Variants in CDKN2B-AS1 observed in about 807,000 individuals in gnomAD.
CDKN2B-AS1 encodes the protein CDKN2B antisense RNA 1 (non-protein coding).
At chr9:22,012,621 GAAA>G in intron 1 of CDKN2B-AS1, 1 of 325,658 alleles carries the variant, frequency 3.1e-6, no homozygotes. Context: ...TCATTGACTG[GAAA>G]AAAAAAAAGT....
In CDKN2B-AS1 at chr9:22,001,668, T is replaced by G. The variant is rs3217998; in HGVS notation, n.29+6507T>G. On this transcript the variant is annotated intron_variant and non_coding_transcript_variant, in intron 1 of 4. Coordinates refer to ENST00000650946, the Ensembl canonical transcript of CDKN2B-AS1. The surrounding 1 kb of genome is among the most constrained non-coding windows in gnomAD (Gnocchi z 4.2). ...TGAAAGTTACTGTGTTTCTGTAAAA[T>G]GAAGTATTCTTTTTCCTTACGCAAG... 2.0e-3 allele frequency among the ~76,000 whole-genome samples: 308 copies of G among 152,262 alleles called. 1 individual carries two copies. Among genetic ancestry groups the G allele is most frequent in the African/African-American group, 7.1e-3 (294 of 41,570 alleles).
intron 4 of CDKN2B-AS1, among the ~76,000 whole-genome samples, chr9:22,109,672 G>C (rs997776650): frequency 6.6e-6 from 1 of 152,166 alleles, no homozygotes; most frequent in Non-Finnish European, 1.5e-5. Flanking sequence ...AATTACATAT[G>C]AGATGTCATC....
At chr9:22,086,011 TG>T (rs1157124630) in intron 4 of CDKN2B-AS1, among the ~76,000 whole-genome samples, 1 of 152,012 alleles carries the variant, frequency 6.6e-6, no homozygotes, top group Non-Finnish European at 1.5e-5. Flanking sequence ...AGATGAACCT[TG>T]GGGGTCAGAA....
chr9:22,103,899 G>A (rs767682180), intron 4 of CDKN2B-AS1, among the ~76,000 whole-genome samples: 1 of 152,154 alleles, frequency 6.6e-6, no homozygotes, highest in Non-Finnish European at 1.5e-5. Context: ...TTCCAGTGAC[G>A]GTTATTGCAA....
At chr9:22,116,008 GA>G (rs780543371) in intron 4 of CDKN2B-AS1, among the ~76,000 whole-genome samples, 1 of 152,238 alleles carries the variant, frequency 6.6e-6, no homozygotes, top group East Asian at 1.9e-4. Flanking sequence ...ATGTCTTGTT[GA>G]AAAAGTATGA....
intron 4 of CDKN2B-AS1, among the ~76,000 whole-genome samples, chr9:22,110,604 ATGT>A (rs1825781078): frequency 6.6e-6 from 1 of 152,134 alleles, no homozygotes; most frequent in Non-Finnish European, 1.5e-5. Flanking sequence ...TTTTCTCAAA[ATGT>A]TGTAGTTACT....
intron 4 of CDKN2B-AS1, among the ~76,000 whole-genome samples, chr9:22,111,358 G>T (rs1215422104): frequency 6.6e-6 from 1 of 152,062 alleles, no homozygotes; most frequent in Non-Finnish European, 1.5e-5. Flanking sequence ...TAAAAAGGAA[G>T]GTCTGGAGAA....
chr9:22,018,433 G>A (rs1028227555), intron 1 of CDKN2B-AS1, among the ~76,000 whole-genome samples: 6 of 152,112 alleles, frequency 3.9e-5, no homozygotes, highest in African/African-American at 1.2e-4. Flanking sequence ...CGAGGCGGGT[G>A]GATCACCTGA....
chr9:22,115,379 C>G (rs1825921078), intron 4 of CDKN2B-AS1, among the ~76,000 whole-genome samples: 1 of 152,130 alleles, frequency 6.6e-6, no homozygotes, highest in African/African-American at 2.4e-5. Flanking sequence ...TAGGATGGTT[C>G]TGAGAAAACT....
chr9:22,005,886 T>C lies in CDKN2B-AS1; in HGVS notation n.29+10725T>C. 2 of 1,487,408 alleles carry C rather than the reference T, an allele frequency of 1.3e-6. No homozygotes were observed. Among genetic ancestry groups the C allele is most frequent in the Non-Finnish European group, 1.8e-6 (2 of 1,100,722 alleles). The allele number at this position is 1,487,408 out of a possible 1,614,324, so 92.1% of individuals were successfully genotyped here. A position where few individuals can be genotyped will look rare whatever the true frequency, so the allele number is the denominator to read the frequency against. On this transcript the variant is annotated intron_variant and non_coding_transcript_variant, in intron 1 of 4. Transcript: ENST00000650946. The surrounding 1 kb of genome is among the most constrained non-coding windows in gnomAD (Gnocchi z 4.9). ...AGACAGGCTTGCAGGCTTACAGGCT[T>C]TCCGCCGCTCCCCGTTGGCAGCCTT... is the stretch of plus-strand genomic sequence containing the variant.
intron 1 of CDKN2B-AS1, among the ~76,000 whole-genome samples, chr9:22,020,792 A>G (rs948605422): frequency 6.6e-6 from 1 of 152,176 alleles, no homozygotes; most frequent in Non-Finnish European, 1.5e-5. Context: ...TGTCAGATGC[A>G]TAGTTTAAAG....
chr9:22,059,940 G>T (rs1414411925), intron 4 of CDKN2B-AS1, among the ~76,000 whole-genome samples: 1 of 152,302 alleles, frequency 6.6e-6, no homozygotes, highest in East Asian at 1.9e-4. Context: ...GGAGCAGCTG[G>T]GACACAGGGC....
rs1447816525 is a variant in CDKN2B-AS1, at chr9:21,999,727, C to T, written n.29+4566C>T. ...AATGATTGACATGCTTGTGAGGAGA[C>T]TTTTTTTGTTGTTGTTGTTGTTAGG... On this transcript the variant is annotated intron_variant and non_coding_transcript_variant, in intron 1 of 4. Transcript: ENST00000650946. This position sits in a 1 kb window ranked among gnomAD's most constrained non-coding sequence, Gnocchi z 4.7. 1.3e-5 allele frequency among the ~76,000 whole-genome samples: 2 copies of T among 151,926 alleles called. No homozygotes were observed. The highest frequency in any genetic ancestry group is 1.9e-4 in the East Asian group (1 of 5,200).
chr9:22,023,724 G>A (rs1822107650), intron 1 of CDKN2B-AS1, among the ~76,000 whole-genome samples: 1 of 152,128 alleles, frequency 6.6e-6, no homozygotes, highest in Non-Finnish European at 1.5e-5. Context: ...GCCTGGGTGA[G>A]TTGAGAGTCC....
At chr9:22,025,546 G>C (rs1007607322) in intron 1 of CDKN2B-AS1, among the ~76,000 whole-genome samples, 4 of 152,116 alleles carry the variant, frequency 2.6e-5, no homozygotes, top group Admixed American at 2.6e-4. Flanking sequence ...GTGGGAATGG[G>C]CACCCACATA....
rs530805358 is a variant in CDKN2B-AS1 at position 22,033,902 on chromosome 9, T to G, written n.30-12849T>G. On this transcript the variant is annotated intron_variant and non_coding_transcript_variant, in intron 1 of 4. Coordinates refer to ENST00000650946, the Ensembl canonical transcript of CDKN2B-AS1. ...ATACTCAATGAAAAACCAACTACAT[T>G]TATATTGCATTGAGGCTTAAAGTGG... Among the ~76,000 whole-genome samples the G allele has an allele frequency of 7.2e-4, 110 of 152,292 alleles. 1 individual carries two copies. Among genetic ancestry groups the G allele is most frequent in the Admixed American group, 6.8e-3 (104 of 15,292 alleles).
chr9:21,998,417 G>C (rs1387464262), intron 1 of CDKN2B-AS1, among the ~76,000 whole-genome samples: 1 of 152,178 alleles, frequency 6.6e-6, no homozygotes, highest in Non-Finnish European at 1.5e-5. Context: ...GGCCTAGAAA[G>C]GCTCAAATCT....
At chr9:22,071,137 A>G (rs1824269434) in intron 4 of CDKN2B-AS1, among the ~76,000 whole-genome samples, 1 of 150,308 alleles carries the variant, frequency 6.7e-6, no homozygotes, top group Non-Finnish European at 1.5e-5. Context: ...TTCAATTGCA[A>G]CTTAGGAGAT....
At chr9:22,009,505 C>T (rs1821391717) in intron 1 of CDKN2B-AS1, 1 of 238,532 alleles carries the variant, frequency 4.2e-6, no homozygotes, top group African/African-American at 2.3e-5. Context: ...GCCAGGAATG[C>T]TGGCTGCACT....
Sources: gnomAD v4.1 joint callset for allele counts (sites outside exome capture counted in the v4.1 genomes callset) on GRCh38, gnomAD v4.1.1 for gene constraint, Gnocchi (gnomAD v3.1) non-coding constraint, MANE v1.5 for transcripts, NCBI Gene and HGNC (gene_info 2026-07-23, HGNC 2026-07-21) for gene names.